Variants in SGTB observed in about 807,000 individuals in gnomAD.
SGTB encodes small glutamine-rich tetratricopeptide repeat-containing protein beta.
A neutral mutation model predicts 43.9 loss-of-function variants in SGTB; 19 were observed. The ratio of observed to expected loss-of-function variants is 0.43; its 90% CI spans 0.30 to 0.63. SGTB has a LOEUF of 0.63. Among genes scored for constraint, SGTB ranks in the 30% least tolerant of loss-of-function variants. The pLI is 0.12. For synonymous variants in SGTB, 116 were observed against 117.3 expected, an observed-to-expected ratio of 0.99 and a Z score of 0.07; for missense variants, 304 against 358.9, an observed-to-expected ratio of 0.85 and a Z score of 1.24.
chr5:65,717,238 T>C (rs1045840660), intron 2 of SGTB, among the ~76,000 whole-genome samples: 2 of 151,296 alleles, frequency 1.3e-5, no homozygotes, highest in African/African-American at 4.9e-5. Flanking sequence ...AGGAGAGGAG[T>C]TGGAGAAAGC....
At chr5:65,690,141 A>G (rs1267559920) in intron 5 of SGTB, among the ~76,000 whole-genome samples, 1 of 152,186 alleles carries the variant, frequency 6.6e-6, no homozygotes, top group Non-Finnish European at 1.5e-5. Context: ...GCCAAGAAAA[A>G]GGATGCTTAA....
chr5:65,680,461 A>T, intron 8 of SGTB, 33 bp downstream of exon 8: 1 of 1,596,306 alleles, frequency 6.3e-7, no homozygotes, highest in Non-Finnish European at 8.5e-7. Context: ...TGGAAAACAT[A>T]GCCAGTAGAG....
intron 5 of SGTB, among the ~76,000 whole-genome samples, chr5:65,689,891 C>T (rs913635116): frequency 7.0e-6 from 1 of 142,454 alleles, no homozygotes; most frequent in African/African-American, 2.6e-5. Context: ...TAAACATAGT[C>T]CTTTGCTTCA....
chr5:65,721,461 G>T (rs1026641580), intron 1 of SGTB, among the ~76,000 whole-genome samples: 4 of 152,184 alleles, frequency 2.6e-5, no homozygotes, highest in Non-Finnish European at 5.9e-5. Context: ...GGACAAGCTG[G>T]AAGCTCCCGG....
chr5:65,713,935 GGGAGGATTGCTTGAGCCTGGGAGGA>G (rs533755358), intron 2 of SGTB, among the ~76,000 whole-genome samples: 3,556 of 152,016 alleles, frequency 0.023, 133 homozygotes, highest in African/African-American at 0.08. Flanking sequence ...AGGCTGAGGT[GGGAGGATTGCTTGAGCCTGGGAGGA>G]GGAGGATAGC....
chr5:65,679,040 TCAA>T lies in SGTB; in HGVS notation c.681+1451_681+1453del, dbSNP rs555254635. 1.4e-4 allele frequency among the ~76,000 whole-genome samples: 22 copies of T among 152,154 alleles called. No individual in the cohort carries two copies. In the East Asian group the frequency reaches 4.1e-3, roughly 28 times the overall value. Reference sequence around the variant, plus strand: ...TTCTTTTCCACACCAAAAGAAACAATCAACAGAGTAAACAGACAACCTACAGAA... The same window carrying T: ...TTCTTTTCCACACCAAAAGAAACAATCAGAGTAAACAGACAACCTACAGAA... On this transcript the variant is annotated intron_variant, in intron 8 of 10. Coordinates refer to ENST00000381007, the MANE Select transcript of SGTB (RefSeq NM_019072.3).
intron 5 of SGTB, among the ~76,000 whole-genome samples, chr5:65,693,175 T>G (rs1757645325): frequency 1.4e-5 from 2 of 144,154 alleles, no homozygotes; most frequent in Non-Finnish European, 1.5e-5. Flanking sequence ...GGTGACAGAG[T>G]GAGAGAAGGA....
chr5:65,683,013 A>G (rs1470392174), intron 6 of SGTB, among the ~76,000 whole-genome samples: 1 of 152,038 alleles, frequency 6.6e-6, no homozygotes, highest in Non-Finnish European at 1.5e-5. Context: ...AAGAAACTTT[A>G]TTTAATATAT....
chr5:65,694,472 GT>G (rs925735193), intron 5 of SGTB, among the ~76,000 whole-genome samples: 13 of 151,954 alleles, frequency 8.6e-5, no homozygotes, highest in African/African-American at 2.9e-4. Flanking sequence ...ACCTAACAGG[GT>G]TTTTTGTCTT....
At chr5:65,708,357 G>A in intron 4 of SGTB, 132 bp downstream of exon 4, 1 of 679,442 alleles carries the variant, frequency 1.5e-6, no homozygotes. Flanking sequence ...ATTCATTTCT[G>A]TTTCGTAATT....
chr5:65,694,616 C>T (rs166320), intron 5 of SGTB, among the ~76,000 whole-genome samples: 37,297 of 151,788 alleles, frequency 0.25, 4,934 homozygotes, highest in Non-Finnish European at 0.3. Context: ...GCTGGGAATA[C>T]AGGTGCGCAC....
intron 6 of SGTB, among the ~76,000 whole-genome samples, chr5:65,684,989 T>C (rs1422503497): frequency 2.6e-5 from 4 of 152,166 alleles, no homozygotes; most frequent in Non-Finnish European, 5.9e-5. Context: ...TGTAAGGCAA[T>C]AGCATCAGTT....
rs763724154 is a variant in SGTB at position 65,670,310 on chromosome 5, A to G, written c.851T>C (p.Ile284Thr). ...QQIQQQNPEL[I>T]EQLRNHIRSR... ...CCGGATGTGATTTCTCAGTTGCTCT[A>G]TAAGTTCAGGATTTTGTTGCTGTAT... Residue 284 changes from isoleucine to threonine, a missense_variant, in exon 11 of 11, where the codon ATA becomes ACA. Transcript: ENST00000381007. 3.7e-6 allele frequency: 6 copies of G among 1,614,186 alleles called. No homozygotes were observed. Among genetic ancestry groups the G allele is most frequent in the Non-Finnish European group, 5.1e-6 (6 of 1,180,010 alleles).
intron 5 of SGTB, among the ~76,000 whole-genome samples, chr5:65,691,546 TC>T (rs1441419673): frequency 6.6e-6 from 1 of 151,862 alleles, no homozygotes; most frequent in Non-Finnish European, 1.5e-5. Context: ...CAGGCTGGTC[TC>T]AAACTCCTGA....
intron 5 of SGTB, 74 bp downstream of exon 5, chr5:65,704,205 A>G: frequency 9.2e-7 from 1 of 1,092,338 alleles, no homozygotes; most frequent in Non-Finnish European, 1.3e-6. Context: ...AATAATTAAG[A>G]TTTGCATTTT....
intron 8 of SGTB, among the ~76,000 whole-genome samples, chr5:65,672,646 T>C (rs1757181802): frequency 6.6e-6 from 1 of 152,214 alleles, no homozygotes; most frequent in African/African-American, 2.4e-5. Context: ...TTTTAAGAGA[T>C]GTGACTTTGC....
intron 2 of SGTB, 24 bp downstream of exon 2, chr5:65,720,684 T>C (rs374089143): frequency 2.8e-5 from 44 of 1,597,218 alleles, no homozygotes; most frequent in Non-Finnish European, 3.5e-5. Flanking sequence ...ATAATATAAA[T>C]GAACACAAAG....
At chr5:65,690,181 T>C (rs1757579283) in intron 5 of SGTB, among the ~76,000 whole-genome samples, 1 of 152,178 alleles carries the variant, frequency 6.6e-6, no homozygotes, top group African/African-American at 2.4e-5. Flanking sequence ...CTCATGCCTG[T>C]AATCCCAACA....
At chr5:65,684,646 A>C (rs1341033479) in intron 6 of SGTB, among the ~76,000 whole-genome samples, 1 of 152,034 alleles carries the variant, frequency 6.6e-6, no homozygotes, top group Admixed American at 6.6e-5. Flanking sequence ...TCTGCCGCCC[A>C]GGTTCAAGTG....
Sources: allele counts gnomAD v4.1 joint callset (sites outside exome capture counted in the v4.1 genomes callset), GRCh38; gene constraint gnomAD v4.1.1; transcripts MANE v1.5; gene names NCBI Gene and HGNC (gene_info 2026-07-23, HGNC 2026-07-21).